The following SIRT1 variants were observed in gnomAD, a reference collection of about 807,000 sequenced individuals.
SIRT1 encodes sirtuin 1.
A neutral mutation model predicts 67.9 loss-of-function variants in SIRT1; 24 were observed. The observed-to-expected ratio is 0.35, with a 90% CI of 0.26 to 0.50. The LOEUF (loss-of-function observed/expected upper bound fraction) is 0.50, where lower values mean the gene tolerates loss of function less well. SIRT1 is among the 20% of genes least tolerant of loss of function. SIRT1 has a pLI of 0.98. For missense variants in SIRT1, 873 were observed against 937.2 expected, an observed-to-expected ratio of 0.93 and a Z score of 0.89; for synonymous variants, 378 against 350.7, an observed-to-expected ratio of 1.08 and a Z score of -0.87.
intron 7 of SIRT1, among the ~76,000 whole-genome samples, chr10:67,911,310 C>T (rs1398988240): frequency 6.6e-6 from 1 of 152,202 alleles, no homozygotes; most frequent in African/African-American, 2.4e-5. Flanking sequence ...CCTTCCACTT[C>T]AGCTTCCTGA....
At chr10:67,914,058 GATTTTTTTT>G (rs1438408436) in intron 8 of SIRT1, among the ~76,000 whole-genome samples, 4 of 112,666 alleles carry the variant, frequency 3.6e-5, no homozygotes, top group Non-Finnish European at 6.9e-5. Context: ...ACAAAAGGTA[GATTTTTTTT>G]TTTTTTTTTT....
chr10:67,899,864 C>G (rs978552398), intron 4 of SIRT1, among the ~76,000 whole-genome samples: 1 of 151,930 alleles, frequency 6.6e-6, no homozygotes. Flanking sequence ...GCGGGTGGAT[C>G]ACTTGAGGTA....
Position 67,887,684 on chromosome 10 carries a change from C to T in SIRT1, c.547+151C>T, listed in dbSNP as rs1293884813. The T allele has an allele frequency of 5.6e-6, 3 of 531,736 alleles. No individual in the cohort carries two copies. In the African/African-American group the frequency reaches 5.8e-5, roughly 10 times the overall value. The allele number at this position is 531,736 out of a possible 1,614,324, so 32.9% of individuals were successfully genotyped here. A position where few individuals can be genotyped will look rare whatever the true frequency, so the allele number is the denominator to read the frequency against. Reference sequence around the variant, plus strand: ...CTCCGCCTTCCAGGTTCAAGCGATTCTCCTGCCTCAGCCTCCCCAGCAGCT... The same window carrying T: ...CTCCGCCTTCCAGGTTCAAGCGATTTTCCTGCCTCAGCCTCCCCAGCAGCT... On this transcript the variant is annotated intron_variant, in intron 2 of 8. Transcript: ENST00000212015.
intron 2 of SIRT1, among the ~76,000 whole-genome samples, chr10:67,888,124 A>G (rs934493358): frequency 3.9e-5 from 6 of 152,208 alleles, no homozygotes; most frequent in African/African-American, 9.6e-5. Context: ...TTTGTGCTCA[A>G]TAAATATTTA....
chr10:67,887,596 GAC>G, intron 2 of SIRT1, 63 bp downstream of exon 2: 1 of 1,161,746 alleles, frequency 8.6e-7, no homozygotes, highest in African/African-American at 1.5e-5. Flanking sequence ...TTTGTTTTGA[GAC>G]AGAGTTTCGC....
chr10:67,910,515 A>G (rs1842882788), intron 7 of SIRT1, among the ~76,000 whole-genome samples: 1 of 152,208 alleles, frequency 6.6e-6, no homozygotes, highest in African/African-American at 2.4e-5. Flanking sequence ...CAATTAATTT[A>G]TGAAATGGTC....
At position 67,884,924 on chromosome 10, in the gene SIRT1, C is replaced by A; in HGVS notation, c.203C>A (p.Pro68Gln). 1 of 1,238,640 alleles carries A rather than the reference C, an allele frequency of 8.1e-7. No homozygotes were observed. Among genetic ancestry groups the A allele is most frequent in the Non-Finnish European group, 1.0e-6 (1 of 992,088 alleles). The allele number at this position is 1,238,640 out of a possible 1,614,324, so 76.7% of individuals were successfully genotyped here. A position where few individuals can be genotyped will look rare whatever the true frequency, so the allele number is the denominator to read the frequency against. ...REVPAAARGC[P>Q]GAAAAALWRE... The stretch of plus-strand genomic sequence containing the variant: ...GTGCCGGCGGCGGCCAGGGGCTGCC[C>A]GGGTGCGGCGGCGGCGGCGCTGTGG... The change falls in exon 1 of 9, where the codon CCG becomes CAG. Residue 68 changes from proline to glutamine, a missense_variant. This residue lies in a region of SIRT1 where 327 missense variants were observed against 283.9 expected (regional missense o/e 1.15). Transcript: ENST00000212015.
At chr10:67,908,237 G>A in intron 6 of SIRT1, 112 bp downstream of exon 6, 1 of 825,562 alleles carries the variant, frequency 1.2e-6, no homozygotes, top group Non-Finnish European at 1.8e-6. Flanking sequence ...AAAGATTCAG[G>A]AAGAAAATAG....
intron 4 of SIRT1, among the ~76,000 whole-genome samples, chr10:67,903,362 C>G (rs7069102): frequency 0.63 from 95,060 of 151,586 alleles, 30,641 homozygotes; most frequent in Non-Finnish European, 0.68. Flanking sequence ...ATAATCTCTG[C>G]AGAAAAGCCA....
chr10:67,885,215 G>A, intron 1 of SIRT1, 64 bp downstream of exon 1: 2 of 1,275,416 alleles, frequency 1.6e-6, no homozygotes, highest in African/African-American at 1.5e-5. Context: ...GCTCCTACTG[G>A]CCTGAGGTTG....
chr10:67,900,057 C>T (rs912630962), intron 4 of SIRT1, among the ~76,000 whole-genome samples: 5 of 152,038 alleles, frequency 3.3e-5, no homozygotes, highest in African/African-American at 1.2e-4. Flanking sequence ...GTACTCCAGC[C>T]TGGGCAACAG....
intron 4 of SIRT1, among the ~76,000 whole-genome samples, chr10:67,897,523 C>A (rs906705603): frequency 3.3e-5 from 5 of 152,002 alleles, no homozygotes; most frequent in African/African-American, 1.2e-4. Context: ...CGCCACCATG[C>A]TTGGCTAATT....
rs1184537805 is a variant in SIRT1, at chr10:67,909,386, A to G, written c.1301A>G (p.Asp434Gly). 6.2e-7 allele frequency: 1 copy of G among 1,613,318 alleles called. No homozygotes were observed. The highest frequency in any genetic ancestry group is 1.7e-5 in the Admixed American group (1 of 59,790). Residue 434 changes from aspartate (D) to glycine (G), a missense_variant, in exon 7 of 9, where the codon GAC becomes GGC. Physicochemically the swap from Asp to Gly is moderately conservative, Grantham distance 94. Around this residue, in one of 3 missense-constraint regions of SIRT1, gnomAD observed 251 missense variants for 358.8 expected, o/e 0.70. Transcript: ENST00000212015. ...RAMKYDKDEV[D>G]LLIVIGSSLK... ...ATGAAGTATGACAAAGATGAAGTTG[A>G]CCTCCTCATTGTTATTGGGTCTTCC...
At chr10:67,892,610 T>C (rs115284290) in intron 4 of SIRT1, among the ~76,000 whole-genome samples, 1,635 of 152,202 alleles carry the variant, frequency 0.011, 36 homozygotes, top group African/African-American at 0.038. Flanking sequence ...TTTTTTTTTT[T>C]TCTTTTTTTG....
In SIRT1 at chr10:67,884,688, G is replaced by T; in HGVS notation, c.-34G>T. On this transcript the variant is annotated 5_prime_UTR_variant, in exon 1 of 9. It adds an upstream start codon to the 5' untranslated region. Transcript: ENST00000212015. The stretch of plus-strand genomic sequence containing the variant: ...CCGCGCGTCGAGCGGGAGCAGAGGA[G>T]GCGAGGGAGGAGGGCCAGAGAGGCA... 1 of 1,227,518 alleles carries T rather than the reference G, an allele frequency of 8.1e-7. No individual in the cohort carries two copies. 76.0% of individuals were successfully genotyped at this position (1,227,518 alleles called of 1,614,324 possible). A position where few individuals can be genotyped will look rare whatever the true frequency, so the allele number is the denominator to read the frequency against.
At chr10:67,890,283 T>C (rs1197450397) in intron 3 of SIRT1, among the ~76,000 whole-genome samples, 3 of 152,188 alleles carry the variant, frequency 2.0e-5, no homozygotes, top group African/African-American at 7.2e-5. Context: ...CTGAAACTCC[T>C]GACCTTGTGA....
At chr10:67,906,645 C>T (rs1842824630) in intron 4 of SIRT1, 145 bp from the exon 5 acceptor site, 8 of 787,710 alleles carry the variant, frequency 1.0e-5, no homozygotes, top group African/African-American at 7.2e-5. Flanking sequence ...AGGTGTGTGT[C>T]GCATCCATCT....
At chr10:67,915,992 TTTAA>T (rs1256647635) in intron 8 of SIRT1, among the ~76,000 whole-genome samples, 7 of 152,186 alleles carry the variant, frequency 4.6e-5, no homozygotes, top group Admixed American at 1.3e-4. Context: ...CTTGTATTTA[TTTAA>T]TTAATTAATT....
intron 4 of SIRT1, among the ~76,000 whole-genome samples, chr10:67,904,115 T>G (rs1347003056): frequency 1.4e-5 from 2 of 143,960 alleles, no homozygotes; most frequent in Non-Finnish European, 3.0e-5. Context: ...GATTTTTTAG[T>G]TTTTTTTGTT....
Sources: gnomAD v4.1 joint callset for allele counts (sites outside exome capture counted in the v4.1 genomes callset) on GRCh38, gnomAD v4.1.1 for gene constraint, gnomAD v4.1.1 regional missense constraint, MANE v1.5 for transcripts, NCBI Gene and HGNC (gene_info 2026-07-23, HGNC 2026-07-21) for gene names.